GRM7: variants seen among roughly 807,000 people sequenced by gnomAD.
GRM7 encodes metabotropic glutamate receptor 7.
In GRM7, 35 loss-of-function variants were observed where a neutral mutation model predicts 84.5. That is an observed-to-expected ratio of 0.41 (90% confidence interval 0.32 to 0.55). The LOEUF is 0.55. Ranked by LOEUF, GRM7 falls within the 20% of genes least tolerant of loss-of-function variation. GRM7 has a pLI of 0.19. For synonymous variants in GRM7, 487 were observed against 455.1 expected, an observed-to-expected ratio of 1.07 and a Z score of -0.89; for missense variants, 1,003 against 1,194.6, an observed-to-expected ratio of 0.84 and a Z score of 2.36.
chr3:7,137,483 C>CA (rs1183874257), intron 1 of GRM7, among the ~76,000 whole-genome samples: 1 of 152,010 alleles, frequency 6.6e-6, no homozygotes, highest in Non-Finnish European at 1.5e-5. Flanking sequence ...AATTTTGAGG[C>CA]ATGAGAATTG....
In GRM7 at chr3:7,373,114, A is replaced by C. The variant is rs147557743; in HGVS notation, c.1034-41909A>C. ...TTCTCTTTCAAGGACACTCAGTATGAAGTTACACAGTTCAAAGGAAAGCTA... is the reference window on the plus strand; with the variant it reads ...TTCTCTTTCAAGGACACTCAGTATGCAGTTACACAGTTCAAAGGAAAGCTA... On this transcript the variant is annotated intron_variant, in intron 4 of 9. Transcript: ENST00000357716. Among the ~76,000 whole-genome samples the C allele has an allele frequency of 1.9e-3, 291 of 152,292 alleles. 1 individual carries two copies. The highest frequency in any genetic ancestry group is 3.5e-3 in the Non-Finnish European group (235 of 68,016).
chr3:7,310,415 C>A (rs575244566), intron 4 of GRM7, among the ~76,000 whole-genome samples: 1 of 151,948 alleles, frequency 6.6e-6, no homozygotes, highest in Admixed American at 6.6e-5. Flanking sequence ...TTTATTTTTC[C>A]TAAAACTGGA....
intron 7 of GRM7, among the ~76,000 whole-genome samples, chr3:7,576,309 T>G (rs1575514134): frequency 6.6e-6 from 1 of 152,204 alleles, no homozygotes; most frequent in African/African-American, 2.4e-5. Flanking sequence ...AAGAGAAGAT[T>G]GTGCTTTATA....
chr3:7,494,239 G>A (rs760084641), intron 7 of GRM7, among the ~76,000 whole-genome samples: 21 of 152,038 alleles, frequency 1.4e-4, no homozygotes, highest in Non-Finnish European at 2.9e-4. Flanking sequence ...GGGTAGTTGC[G>A]CTGGATATAG....
At chr3:7,605,964 T>G (rs1696544836) in intron 8 of GRM7, among the ~76,000 whole-genome samples, 1 of 152,210 alleles carries the variant, frequency 6.6e-6, no homozygotes. Flanking sequence ...TCGGCCTTAT[T>G]ATTTGGCTGA....
chr3:7,667,814 A>G (rs1289494984), intron 8 of GRM7, among the ~76,000 whole-genome samples: 2 of 151,998 alleles, frequency 1.3e-5, no homozygotes, highest in African/African-American at 4.8e-5. Context: ...TACAAAAACA[A>G]AACACATATA....
At chr3:7,299,931 GT>G (rs1699939471) in intron 3 of GRM7, among the ~76,000 whole-genome samples, 1 of 151,806 alleles carries the variant, frequency 6.6e-6, no homozygotes, top group South Asian at 2.1e-4. Context: ...AATCTACAAT[GT>G]GTTATGCAAT....
chr3:6,895,353 C>T (rs1460514659), intron 1 of GRM7, among the ~76,000 whole-genome samples: 1 of 152,174 alleles, frequency 6.6e-6, no homozygotes, highest in African/African-American at 2.4e-5. Context: ...GATTCTAGCT[C>T]TTTGAACAGG....
chr3:7,461,084 G>A (rs1000773435), intron 6 of GRM7, among the ~76,000 whole-genome samples: 38 of 152,266 alleles, frequency 2.5e-4, no homozygotes, highest in African/African-American at 7.2e-4. Context: ...TAAATACAAT[G>A]AGTAGAAAAG....
At chr3:6,875,383 G>T (rs1278336101) in intron 1 of GRM7, among the ~76,000 whole-genome samples, 3 of 152,074 alleles carry the variant, frequency 2.0e-5, no homozygotes, top group Non-Finnish European at 4.4e-5. Flanking sequence ...ATTGAATCAT[G>T]GGGGTGGTTT....
intron 2 of GRM7, among the ~76,000 whole-genome samples, chr3:7,236,985 A>G (rs1204681073): frequency 6.6e-6 from 1 of 152,180 alleles, no homozygotes; most frequent in African/African-American, 2.4e-5. Flanking sequence ...GTTATTGAAA[A>G]AAGGAAATAA....
At chr3:7,034,505 A>T (rs1360247970) in intron 1 of GRM7, among the ~76,000 whole-genome samples, 1 of 152,246 alleles carries the variant, frequency 6.6e-6, no homozygotes, top group African/African-American at 2.4e-5. Flanking sequence ...AAGCAATTTC[A>T]TACATATGTT....
At chr3:7,146,719 T>C in intron 2 of GRM7, 51 bp downstream of exon 2, 2 of 1,305,526 alleles carry the variant, frequency 1.5e-6, no homozygotes, top group Non-Finnish European at 2.2e-6. Context: ...CGTCTGTGGC[T>C]TGTAGAGTTC....
At position 6,980,484 on chromosome 3, in the gene GRM7, G is replaced by A. The variant is rs1416376572; in HGVS notation, c.519+118577G>A. Among the ~76,000 whole-genome samples, 6 of 152,170 alleles carry A rather than the reference G, an allele frequency of 3.9e-5. No homozygotes were observed. In the East Asian group the frequency reaches 1.2e-3, roughly 29 times the overall value. On this transcript the variant is annotated intron_variant, in intron 1 of 9. Transcript: ENST00000357716. ...TCCCTGTTTACTGCATACTTGGGAA[G>A]CCTAGATCTCTAGCTCTCCTCTGTG...
chr3:7,203,552 C>T (rs1696136405), intron 2 of GRM7, among the ~76,000 whole-genome samples: 1 of 152,104 alleles, frequency 6.6e-6, no homozygotes, highest in African/African-American at 2.4e-5. Context: ...CTGCTCTAAA[C>T]ATGTGAGTGT....
At chr3:7,328,798 T>C (rs1357432089) in intron 4 of GRM7, among the ~76,000 whole-genome samples, 1 of 44,314 alleles carries the variant, frequency 2.3e-5, no homozygotes, top group African/African-American at 1.4e-4. Context: ...TCACAGGTGA[T>C]TTTTTTTCTT....
chr3:7,678,471 T>C (rs1700227721), intron 8 of GRM7, among the ~76,000 whole-genome samples: 1 of 152,194 alleles, frequency 6.6e-6, no homozygotes, highest in Non-Finnish European at 1.5e-5. Context: ...AAATTGTCTA[T>C]GTCTATAAAG....
chr3:7,370,846 C>T lies in GRM7; in HGVS notation c.1034-44177C>T, dbSNP rs115032357. Among the ~76,000 whole-genome samples the T allele has an allele frequency of 3.5e-3, 539 of 152,184 alleles. 3 individuals carry two copies. The highest frequency in any genetic ancestry group is 0.012 in the African/African-American group (513 of 41,536). ...GTTTCCTCTTCCATTCCTCAGGCAG[C>T]AGTGTGGTAATGTGCCTGAACTGTG... On this transcript the variant is annotated intron_variant, in intron 4 of 9. Coordinates refer to ENST00000357716, the MANE Select transcript of GRM7 (RefSeq NM_000844.4).
chr3:7,548,115 T>C (rs911388400), intron 7 of GRM7, among the ~76,000 whole-genome samples: 1 of 152,218 alleles, frequency 6.6e-6, no homozygotes, highest in Non-Finnish European at 1.5e-5. Flanking sequence ...AAATATGATG[T>C]TGAAATTTGA....
Sources: gnomAD v4.1 joint callset for allele counts (sites outside exome capture counted in the v4.1 genomes callset) on GRCh38, gnomAD v4.1.1 for gene constraint, MANE v1.5 for transcripts, NCBI Gene and HGNC (gene_info 2026-07-23, HGNC 2026-07-21) for gene names.